Variants in ARL5A observed in about 807,000 individuals in gnomAD.
ARL5A encodes the protein ADP-ribosylation factor-like protein 5A.
In ARL5A, 18 loss-of-function variants were observed where a neutral mutation model predicts 25.9. That is an observed-to-expected ratio of 0.69 (90% CI 0.48 to 1.03). ARL5A has a LOEUF of 1.03. Among genes scored for constraint, ARL5A ranks in the 50% least tolerant of loss-of-function variants. ARL5A has a pLI of 0.00. For synonymous variants in ARL5A, 61 were observed against 67.5 expected, an observed-to-expected ratio of 0.90 and a Z score of 0.47; for missense variants, 170 against 211.9, an observed-to-expected ratio of 0.80 and a Z score of 1.23.
intron 1 of ARL5A, among the ~76,000 whole-genome samples, chr2:151,824,692 ATC>A (rs1315867279): frequency 6.7e-6 from 1 of 150,062 alleles, no homozygotes; most frequent in Non-Finnish European, 1.5e-5. Flanking sequence ...AGTTCTTTTT[ATC>A]TGAGTCCTTC....
At chr2:151,809,856 C>T (rs1174728630) in intron 4 of ARL5A, among the ~76,000 whole-genome samples, 1 of 152,126 alleles carries the variant, frequency 6.6e-6, no homozygotes, top group Non-Finnish European at 1.5e-5. Context: ...CTGAGGCGGG[C>T]AGATCACCTG....
intron 3 of ARL5A, 111 bp downstream of exon 3, chr2:151,814,058 C>CT (rs1367302823): frequency 1.0e-6 from 1 of 1,001,720 alleles, no homozygotes; most frequent in Non-Finnish European, 1.4e-6. Flanking sequence ...CTTAAACTCT[C>CT]TATGTATTAA....
chr2:151,825,895 C>T (rs1399162133), intron 1 of ARL5A, among the ~76,000 whole-genome samples: 8 of 151,740 alleles, frequency 5.3e-5, no homozygotes, highest in Admixed American at 2.6e-4. Context: ...GAGCCCAAGG[C>T]GGGTGGATCA....
intron 1 of ARL5A, among the ~76,000 whole-genome samples, chr2:151,821,282 G>C (rs1195747926): frequency 2.0e-5 from 3 of 152,124 alleles, no homozygotes; most frequent in Non-Finnish European, 2.9e-5. Context: ...GACCTAAGCA[G>C]ATTTCTAAAG....
intron 4 of ARL5A, among the ~76,000 whole-genome samples, chr2:151,812,084 C>T (rs2099830920): frequency 6.6e-6 from 1 of 152,118 alleles, no homozygotes; most frequent in Non-Finnish European, 1.5e-5. Context: ...ATGAAAGCCA[C>T]TTATAGAAAT....
chr2:151,828,031 G>A lies in ARL5A; in HGVS notation c.46+100C>T, dbSNP rs528129911. 6.0e-4 allele frequency: 812 copies of A among 1,350,814 alleles called. 1 individual carries two copies. Among genetic ancestry groups the A allele is most frequent in the Admixed American group, 1.8e-3 (92 of 52,190 alleles). The allele number at this position is 1,350,814 out of a possible 1,614,324, so 83.7% of individuals were successfully genotyped here. On this transcript the variant is annotated intron_variant, in intron 1 of 5. Coordinates refer to ENST00000295087, the MANE Select transcript of ARL5A (RefSeq NM_012097.4). The stretch of plus-strand genomic sequence containing the variant: ...TGCACCCCGCGCTGAGCTGGCGCCC[G>A]ACCGAGCCGCCCACATTCCGAAGTA...
chr2:151,812,679 G>A lies in ARL5A; in HGVS notation c.256-239C>T, dbSNP rs143037153. Among the ~76,000 whole-genome samples the A allele has an allele frequency of 3.0e-4, 46 of 151,944 alleles. No individual in the cohort carries two copies. In the East Asian group the frequency reaches 8.5e-3, roughly 28 times the overall value. Reference sequence around the variant, plus strand: ...TAACATTCTAACTAATATATATAACGCATGTCTGTTTTCTAAACTAGTATC... The same window carrying A: ...TAACATTCTAACTAATATATATAACACATGTCTGTTTTCTAAACTAGTATC... On this transcript the variant is annotated intron_variant, in intron 3 of 5. Coordinates refer to ENST00000295087, the MANE Select transcript of ARL5A (RefSeq NM_012097.4).
At chr2:151,810,409 T>C (rs2099830688) in intron 4 of ARL5A, 2 of 249,004 alleles carry the variant, frequency 8.0e-6, no homozygotes, top group East Asian at 1.2e-4. Context: ...TTTGTCTCTC[T>C]GCAGAATTTT....
chr2:151,811,437 T>C (rs965146762), intron 4 of ARL5A, among the ~76,000 whole-genome samples: 7 of 152,140 alleles, frequency 4.6e-5, no homozygotes, highest in Non-Finnish European at 8.8e-5. Flanking sequence ...TCAATTTTAC[T>C]AAATACTATA....
chr2:151,807,753 T>C (rs2099830280), intron 4 of ARL5A, among the ~76,000 whole-genome samples: 2 of 152,202 alleles, frequency 1.3e-5, no homozygotes, highest in Non-Finnish European at 2.9e-5. Flanking sequence ...ATTAAACTTA[T>C]CAAGTTTCCC....
intron 1 of ARL5A, among the ~76,000 whole-genome samples, chr2:151,825,918 A>T (rs529387908): frequency 2.0e-4 from 30 of 152,222 alleles, no homozygotes; most frequent in African/African-American, 6.7e-4. Flanking sequence ...AAGTCAAGAG[A>T]TGGTGACCAT....
intron 1 of ARL5A, among the ~76,000 whole-genome samples, chr2:151,817,737 C>T (rs373998556): frequency 2.2e-4 from 34 of 152,346 alleles, no homozygotes; most frequent in African/African-American, 7.5e-4. Flanking sequence ...TGTGGTGGCT[C>T]ATGCCTATAA....
chr2:151,824,944 T>C (rs1037082903), intron 1 of ARL5A, among the ~76,000 whole-genome samples: 2 of 152,252 alleles, frequency 1.3e-5, no homozygotes, highest in Non-Finnish European at 2.9e-5. Context: ...ATCTACCTTG[T>C]AGGGTTGTTG....
At chr2:151,826,112 C>T (rs909110441) in intron 1 of ARL5A, among the ~76,000 whole-genome samples, 2 of 152,122 alleles carry the variant, frequency 1.3e-5, no homozygotes, top group African/African-American at 4.8e-5. Flanking sequence ...CAGAGCAAGA[C>T]TCCATCTCAA....
At position 151,814,151 on chromosome 2, in the gene ARL5A, T is replaced by TCC. The variant is rs1559820528; in HGVS notation, c.255+17_255+18insGG. 2 of 1,544,068 alleles carry TCC rather than the reference T, an allele frequency of 1.3e-6. No homozygotes were observed. The highest frequency in any genetic ancestry group is 1.7e-6 in the Non-Finnish European group (2 of 1,153,168). On this transcript the variant is annotated intron_variant, in intron 3 of 5. Transcript: ENST00000295087. The stretch of plus-strand genomic sequence containing the variant: ...AGCATTCTGTTTATAGAATTTTAAA[T>TCC]ATTGTAAGAAACATTACCTCTGTGT...
chr2:151,815,049 G>A, intron 2 of ARL5A, 90 bp downstream of exon 2: 1 of 965,922 alleles, frequency 1.0e-6, no homozygotes, highest in Non-Finnish European at 1.6e-6. Flanking sequence ...TAGGTTTCAT[G>A]TAATTTCTTA....
At chr2:151,811,052 G>A (rs770559404) in intron 4 of ARL5A, among the ~76,000 whole-genome samples, 2 of 151,998 alleles carry the variant, frequency 1.3e-5, no homozygotes, top group African/African-American at 4.8e-5. Flanking sequence ...ATGGCAAGAC[G>A]TATTTCTGTA....
rs796932164 is a variant in ARL5A, at chr2:151,800,577, T to C, written c.*2699A>G. 6.6e-6 allele frequency: 1 copy of C among 152,218 alleles called. No individual in the cohort carries two copies. The highest frequency in any genetic ancestry group is 1.9e-4 in the East Asian group (1 of 5,200). The allele number at this position is 152,218 out of a possible 1,614,324, so 9.4% of individuals were successfully genotyped here. ...GAATCCCCTATCCACTTCCCCACTA[T>C]AACCCCTATACAACCTGCCTTCGTT... On this transcript the variant is annotated 3_prime_UTR_variant, in exon 6 of 6. Coordinates refer to ENST00000295087, the MANE Select transcript of ARL5A (RefSeq NM_012097.4).
intron 3 of ARL5A, 21 bp from the exon 4 acceptor site, chr2:151,812,461 T>C: frequency 6.9e-7 from 1 of 1,447,156 alleles, no homozygotes. Context: ...TACAAAAAAA[T>C]TATTAGTGAT....
Sources: allele counts gnomAD v4.1 joint callset (sites outside exome capture counted in the v4.1 genomes callset), GRCh38; gene constraint gnomAD v4.1.1; transcripts MANE v1.5; gene names NCBI Gene and HGNC (gene_info 2026-07-23, HGNC 2026-07-21).